Variants in ZNF521 observed in about 807,000 individuals in gnomAD.
The protein encoded by ZNF521 is zinc finger protein 521.
ZNF521 carries 14 observed loss-of-function variants against 105.5 expected under a neutral mutation model. The observed-to-expected ratio is 0.13, with a 90% confidence interval of 0.09 to 0.21. The LOEUF (loss-of-function observed/expected upper bound fraction) is 0.21. ZNF521 is among the 10% of genes least tolerant of loss of function. The pLI is 1.00. For missense variants in ZNF521, 1,233 were observed against 1,629.7 expected, an observed-to-expected ratio of 0.76 and a Z score of 4.19; for synonymous variants, 635 against 606.0, an observed-to-expected ratio of 1.05 and a Z score of -0.70.
intron 7 of ZNF521, among the ~76,000 whole-genome samples, chr18:25,077,164 G>C (rs559791560): frequency 6.6e-6 from 1 of 152,148 alleles, no homozygotes; most frequent in Middle Eastern, 3.4e-3. Context: ...TCATCAGCCC[G>C]GGTTAGGAGA....
chr18:25,132,207 A>G (rs2034653251), intron 5 of ZNF521, among the ~76,000 whole-genome samples: 1 of 152,156 alleles, frequency 6.6e-6, no homozygotes, highest in Non-Finnish European at 1.5e-5. Context: ...CAAACTACAA[A>G]TCTTTGAATA....
intron 3 of ZNF521, among the ~76,000 whole-genome samples, chr18:25,318,917 A>G (rs1912783007): frequency 6.6e-6 from 1 of 151,734 alleles, no homozygotes; most frequent in South Asian, 2.1e-4. Context: ...GTTTCTAAAT[A>G]CCTTTGTCCT....
intron 7 of ZNF521, among the ~76,000 whole-genome samples, chr18:25,088,640 T>G (rs1203618874): frequency 6.6e-6 from 1 of 152,220 alleles, no homozygotes; most frequent in Non-Finnish European, 1.5e-5. Context: ...ATACCCATTT[T>G]CAAGGTGAAG....
At chr18:25,312,446 G>C (rs1273241874) in intron 3 of ZNF521, among the ~76,000 whole-genome samples, 2 of 152,160 alleles carry the variant, frequency 1.3e-5, no homozygotes, top group Non-Finnish European at 2.9e-5. Context: ...AACAAAGCTT[G>C]TATACTAGGT....
chr18:25,267,968 T>C (rs542405710), intron 3 of ZNF521, among the ~76,000 whole-genome samples: 3 of 152,204 alleles, frequency 2.0e-5, no homozygotes, highest in Non-Finnish European at 4.4e-5. Context: ...AGAAGGTCAG[T>C]AATAACAAAC....
chr18:25,062,768 AAAAAAAAAAAAAAAAAAG>A, intron 7 of ZNF521, 27 bp from the exon 8 acceptor site: 1 of 1,474,590 alleles, frequency 6.8e-7, no homozygotes, highest in Admixed American at 2.1e-5. Context: ...AAAAAAAAAA[AAAAAAAAAAAAAAAAAAG>A]AGAAGAGAGG....
intron 4 of ZNF521, among the ~76,000 whole-genome samples, chr18:25,209,236 A>G (rs751138393): frequency 2.6e-5 from 4 of 151,416 alleles, no homozygotes; most frequent in Non-Finnish European, 4.4e-5. Flanking sequence ...GGTTCAAGCG[A>G]TTCTTCTGCC....
intron 5 of ZNF521, among the ~76,000 whole-genome samples, chr18:25,146,511 C>A (rs1373550749): frequency 6.6e-6 from 1 of 152,092 alleles, no homozygotes; most frequent in Non-Finnish European, 1.5e-5. Context: ...TAAAAATGAG[C>A]ATCTTTTATG....
chr18:25,322,286 T>A, intron 2 of ZNF521, 99 bp from the exon 3 acceptor site: 3 of 1,247,118 alleles, frequency 2.4e-6, no homozygotes, highest in Non-Finnish European at 3.5e-6. Flanking sequence ...ACCATTTTCC[T>A]TGAAGTTGCA....
chr18:25,275,994 T>G (rs567383789), intron 3 of ZNF521, among the ~76,000 whole-genome samples: 17 of 152,264 alleles, frequency 1.1e-4, no homozygotes, highest in African/African-American at 4.1e-4. Context: ...ACCGGCACCA[T>G]GTGCAAAAAG....
At chr18:25,092,189 T>A in intron 5 of ZNF521, 108 bp from the exon 6 acceptor site, 1 of 1,257,768 alleles carries the variant, frequency 8.0e-7, no homozygotes, top group Non-Finnish European at 1.1e-6. Context: ...TCACCTAATA[T>A]ACATATGTAG....
At chr18:25,096,555 C>T (rs1220822551) in intron 5 of ZNF521, among the ~76,000 whole-genome samples, 4 of 152,124 alleles carry the variant, frequency 2.6e-5, no homozygotes, top group Non-Finnish European at 5.9e-5. Context: ...GACTGTGTGT[C>T]CCATGTTTAT....
chr18:25,331,971 T>C (rs1913600073), intron 2 of ZNF521, among the ~76,000 whole-genome samples: 1 of 151,660 alleles, frequency 6.6e-6, no homozygotes, highest in African/African-American at 2.4e-5. Flanking sequence ...ACAATTGGAT[T>C]TGTCTAAAGT....
chr18:25,208,697 TTTG>T (rs779563185), intron 4 of ZNF521, among the ~76,000 whole-genome samples: 101 of 152,338 alleles, frequency 6.6e-4, no homozygotes, highest in Admixed American at 3.9e-4. Flanking sequence ...GCAATATTAT[TTTG>T]TTATGCCAAA....
chr18:25,282,547 T>C (rs12961565), intron 3 of ZNF521, among the ~76,000 whole-genome samples: 11,062 of 152,108 alleles, frequency 0.073, 487 homozygotes, highest in Non-Finnish European at 0.086. Flanking sequence ...AGTGTGAGCT[T>C]GCACATGGAG....
Position 25,226,610 on chromosome 18 carries a change from G to A in ZNF521, c.1308C>T (p.Ala436=). Residue 436 remains alanine (A), a synonymous_variant, in exon 4 of 8, where the codon GCC becomes GCT. Coordinates refer to ENST00000361524, the MANE Select transcript of ZNF521 (RefSeq NM_015461.3). The surrounding 1 kb of genome is among the most constrained non-coding windows in gnomAD (Gnocchi z 4.1). ...CCTCCAAGCAATACTGACAAATATG[G>A]GCCTGTTCTGGCTTATCTAAGTGCA... The part of the protein sequence containing the change: ...KTMHLDKPEQ[A]HICQYCLEVL... 6.2e-7 allele frequency: 1 copy of A among 1,614,086 alleles called. No individual in the cohort carries two copies. Among genetic ancestry groups the A allele is most frequent in the Non-Finnish European group, 8.5e-7 (1 of 1,180,000 alleles).
At chr18:25,092,899 T>C (rs2033776360) in intron 5 of ZNF521, among the ~76,000 whole-genome samples, 1 of 152,190 alleles carries the variant, frequency 6.6e-6, no homozygotes, top group Admixed American at 6.5e-5. Context: ...ACATTTAAAA[T>C]TAAAATTTAA....
Position 25,227,230 on chromosome 18 carries a change from C to A in ZNF521, c.688G>T (p.Gly230Cys), listed in dbSNP as rs752205718. Residue 230 changes from glycine (G) to cysteine (C), a missense_variant, in exon 4 of 8, where the codon GGC becomes TGC. Physicochemically the swap from Gly to Cys is radical, Grantham distance 159. Coordinates refer to ENST00000361524, the MANE Select transcript of ZNF521 (RefSeq NM_015461.3). This position sits in a 1 kb window ranked among gnomAD's most constrained non-coding sequence, Gnocchi z 5.7. Reference protein sequence around the residue: ...HMQVHERNKDGSQSGSRMEDW... With the variant: ...HMQVHERNKDCSQSGSRMEDW... ...TCCATCCTGGAACCGGACTGAGAGC[C>A]GTCCTTGTTCCTCTCATGAACCTGC... The A allele has an allele frequency of 6.2e-7, 1 of 1,614,174 alleles. No individual in the cohort carries two copies. The highest frequency in any genetic ancestry group is 8.5e-7 in the Non-Finnish European group (1 of 1,180,034).
intron 3 of ZNF521, among the ~76,000 whole-genome samples, chr18:25,254,473 C>A (rs1600218508): frequency 6.6e-6 from 1 of 152,222 alleles, no homozygotes; most frequent in East Asian, 1.9e-4. Context: ...CTATCTGTAG[C>A]CTAATATCTT....
Sources: allele counts gnomAD v4.1 joint callset (sites outside exome capture counted in the v4.1 genomes callset), GRCh38; gene constraint gnomAD v4.1.1; non-coding constraint Gnocchi (gnomAD v3.1); transcripts MANE v1.5; gene names NCBI Gene and HGNC (gene_info 2026-07-23, HGNC 2026-07-21).